The following HECW1 variants were observed in gnomAD, a reference collection of about 807,000 sequenced individuals.
HECW1 encodes the protein E3 ubiquitin-protein ligase HECW1.
Under a neutral mutation model 182.3 loss-of-function variants are expected in HECW1, and 61 were observed. The ratio of observed to expected loss-of-function variants is 0.33; its 90% confidence interval spans 0.27 to 0.41. HECW1 has a LOEUF of 0.41. Among genes scored for constraint, HECW1 ranks in the 10% least tolerant of loss-of-function variants. The pLI is 1.00. For missense variants in HECW1, 1,739 were observed against 2,108.9 expected (o/e 0.82, Z 3.44); for synonymous variants, 859 against 832.6 (o/e 1.03, Z -0.55).
intron 14 of HECW1, among the ~76,000 whole-genome samples, chr7:43,464,241 A>C (rs1358634744): frequency 2.0e-5 from 3 of 152,252 alleles, no homozygotes; most frequent in Non-Finnish European, 2.9e-5. Flanking sequence ...AAAACATGCA[A>C]TAAAAATTCA....
intron 7 of HECW1, among the ~76,000 whole-genome samples, chr7:43,407,108 C>A (rs1391895628): frequency 3.3e-5 from 5 of 152,116 alleles, no homozygotes; most frequent in African/African-American, 1.2e-4. Context: ...CAAAGCCCTG[C>A]CCTCCCTGGC....
intron 2 of HECW1, among the ~76,000 whole-genome samples, chr7:43,190,905 T>C (rs17172171): frequency 0.093 from 14,195 of 152,236 alleles, 780 homozygotes; most frequent in African/African-American, 0.15. Context: ...AATCCCAAAC[T>C]GGAGTCTGTC....
At chr7:43,138,809 G>A (rs919490514) in intron 2 of HECW1, among the ~76,000 whole-genome samples, 3 of 152,174 alleles carry the variant, frequency 2.0e-5, no homozygotes, top group Non-Finnish European at 4.4e-5. Flanking sequence ...GTAGGGGCAG[G>A]GGGAAGGGTG....
intron 24 of HECW1, among the ~76,000 whole-genome samples, chr7:43,516,218 T>C (rs1208736461): frequency 6.6e-6 from 1 of 152,082 alleles, no homozygotes; most frequent in Non-Finnish European, 1.5e-5. Flanking sequence ...CCTAGTCACA[T>C]ACTTGGCGCT....
intron 4 of HECW1, among the ~76,000 whole-genome samples, chr7:43,317,809 T>TTGTGTGTGTGTG (rs3032881): frequency 8.4e-5 from 12 of 142,616 alleles, no homozygotes; most frequent in South Asian, 2.4e-4. Flanking sequence ...TTTCTCATTA[T>TTGTGTGTGTGTG]TGTGTGTGTG....
Position 43,430,908 on chromosome 7 carries a change from A to C in HECW1, c.802-7095A>C, listed in dbSNP as rs190049224. 2.0e-3 allele frequency among the ~76,000 whole-genome samples: 310 copies of C among 151,510 alleles called. 1 individual carries two copies. The highest frequency in any genetic ancestry group is 7.3e-3 in the African/African-American group (303 of 41,270). On this transcript the variant is annotated intron_variant, in intron 8 of 29. Coordinates refer to ENST00000395891, the MANE Select transcript of HECW1 (RefSeq NM_015052.5). The stretch of plus-strand genomic sequence containing the variant: ...GCAATTCTCCTGCCTCAGCCTCCCA[A>C]GTAGCTGGGATTACAGGCGCATGCC...
chr7:43,219,129 A>G (rs1225054902), intron 2 of HECW1, among the ~76,000 whole-genome samples: 1 of 152,174 alleles, frequency 6.6e-6, no homozygotes, highest in Non-Finnish European at 1.5e-5. Flanking sequence ...ACAGGGCGCC[A>G]TGATGTTCTA....
intron 26 of HECW1, among the ~76,000 whole-genome samples, chr7:43,547,581 A>T (rs538353742): frequency 7.5e-4 from 114 of 152,048 alleles, no homozygotes; most frequent in Non-Finnish European, 1.4e-3. Flanking sequence ...TCAATATGAG[A>T]TAAAAAGATA....
In HECW1 at chr7:43,495,992, T is replaced by C. The variant is rs532071023; in HGVS notation, c.3437+2812T>C. ...TTTTAATCATTAGAAAAGGTTTTTT[T>C]TTAAGTAATTCCCTACATAAGTGAG... On this transcript the variant is annotated intron_variant, in intron 19 of 29. Coordinates refer to ENST00000395891, the MANE Select transcript of HECW1 (RefSeq NM_015052.5). 2.6e-5 allele frequency among the ~76,000 whole-genome samples: 4 copies of C among 152,268 alleles called. No homozygotes were observed. The South Asian group carries it at 6.2e-4, about 24-fold the overall frequency.
chr7:43,180,384 TA>T (rs1156825881), intron 2 of HECW1, among the ~76,000 whole-genome samples: 1 of 152,068 alleles, frequency 6.6e-6, no homozygotes, highest in Admixed American at 6.5e-5. Flanking sequence ...TTTATTATTT[TA>T]TTTTTTTATT....
At chr7:43,198,458 C>T (rs972283027) in intron 2 of HECW1, among the ~76,000 whole-genome samples, 2 of 149,902 alleles carry the variant, frequency 1.3e-5, no homozygotes, top group African/African-American at 4.9e-5. Flanking sequence ...CACCCTAACA[C>T]GTACCCACCA....
At chr7:43,323,126 CAA>C (rs959738166) in intron 5 of HECW1, among the ~76,000 whole-genome samples, 10 of 152,058 alleles carry the variant, frequency 6.6e-5, no homozygotes, top group African/African-American at 2.4e-4. Context: ...CCCAACACAC[CAA>C]AAAATGGGGA....
chr7:43,417,119 C>T (rs1159244546), intron 8 of HECW1, among the ~76,000 whole-genome samples: 2 of 152,178 alleles, frequency 1.3e-5, no homozygotes, highest in Non-Finnish European at 2.9e-5. Context: ...GGCGCAATCT[C>T]GGCTCACTGC....
At chr7:43,123,796 G>A (rs1011056324) in intron 2 of HECW1, among the ~76,000 whole-genome samples, 30 of 152,278 alleles carry the variant, frequency 2.0e-4, no homozygotes, top group African/African-American at 5.1e-4. Flanking sequence ...CCTTCCAACC[G>A]GGTGGGCTGT....
intron 8 of HECW1, among the ~76,000 whole-genome samples, chr7:43,437,641 G>T (rs1378240112): frequency 6.6e-6 from 1 of 152,100 alleles, no homozygotes; most frequent in Non-Finnish European, 1.5e-5. Flanking sequence ...AAACCATATT[G>T]CATTGTTTAT....
chr7:43,338,824 A>G (rs963711035), intron 5 of HECW1, among the ~76,000 whole-genome samples: 1 of 135,250 alleles, frequency 7.4e-6, no homozygotes. Context: ...ATTTTCCTCT[A>G]AAAAAAAAAA....
At chr7:43,260,368 A>G (rs1801040856) in intron 3 of HECW1, among the ~76,000 whole-genome samples, 2 of 152,196 alleles carry the variant, frequency 1.3e-5, no homozygotes, top group Admixed American at 6.5e-5. Flanking sequence ...AAAAGAAAAC[A>G]CTTCACGTGG....
intron 2 of HECW1, among the ~76,000 whole-genome samples, chr7:43,129,032 A>T (rs1398650015): frequency 1.3e-5 from 2 of 152,240 alleles, no homozygotes; most frequent in African/African-American, 4.8e-5. Context: ...ATTTCTTGAG[A>T]TGAAATCTAT....
chr7:43,377,094 C>T (rs2152824294), intron 6 of HECW1, among the ~76,000 whole-genome samples: 1 of 152,228 alleles, frequency 6.6e-6, no homozygotes. Flanking sequence ...GGCATTCGGA[C>T]AAGTCAGAGA....
Sources: allele counts gnomAD v4.1 joint callset (sites outside exome capture counted in the v4.1 genomes callset), GRCh38; gene constraint gnomAD v4.1.1; transcripts MANE v1.5; gene names NCBI Gene and HGNC (gene_info 2026-07-23, HGNC 2026-07-21).